Variants in CACNA1B observed in about 807,000 individuals in gnomAD.
The protein encoded by CACNA1B is calcium voltage-gated channel subunit alpha1 B.
CACNA1B carries 70 observed loss-of-function variants against 247.2 expected under a neutral mutation model. The ratio of observed to expected loss-of-function variants is 0.28; its 90% CI spans 0.23 to 0.35. CACNA1B has a LOEUF of 0.35. Ranked by LOEUF, CACNA1B falls within the 10% of genes least tolerant of loss-of-function variation. The probability of loss-of-function intolerance (pLI) is 1.00; values close to 1 mark genes in which losing one functional copy is unlikely to be tolerated. For synonymous variants in CACNA1B, 1,231 were observed against 1,294.4 expected (o/e 0.95, Z 1.05); for missense variants, 2,367 against 3,197.4 (o/e 0.74, Z 6.26).
At chr9:137,878,330 C>G (rs1409368409) in intron 1 of CACNA1B, 113 bp downstream of exon 1, 2 of 980,202 alleles carry the variant, frequency 2.0e-6, no homozygotes, top group African/African-American at 3.4e-5. Flanking sequence ...CGTCGGGAGA[C>G]GGGCGAGGGG....
chr9:138,070,841 C>T (rs528228307), intron 32 of CACNA1B, among the ~76,000 whole-genome samples: 16 of 152,244 alleles, frequency 1.1e-4, no homozygotes, highest in Non-Finnish European at 2.1e-4. Flanking sequence ...GTCTCTTTCC[C>T]GTCTTCAATT....
intron 20 of CACNA1B, among the ~76,000 whole-genome samples, chr9:138,032,073 G>C (rs573877683): frequency 1.3e-5 from 2 of 151,716 alleles, no homozygotes; most frequent in South Asian, 4.2e-4. Context: ...CATTTCTCTG[G>C]TTTCCTTTTT....
rs775816595 is a variant in CACNA1B at position 138,115,670 on chromosome 9, G to A, written c.5768G>A (p.Gly1923Asp). ...AAGAGTTCCACCTCCCTCAGCAATG[G>A]CGGGGCCATGTGAGTATCCAGATGC... ...RQKSSTSLSN[G>D]GAIQNQESGI... is the part of the protein sequence containing the mutation. The change falls in exon 42 of 47, where the codon GGC becomes GAC. Residue 1923 changes from glycine (G) to aspartate (D), a missense_variant. Physicochemically the swap from Gly to Asp is moderately conservative, Grantham distance 94 (BLOSUM62 -1). Around this residue, in one of 12 missense-constraint regions of CACNA1B, gnomAD observed 773 missense variants for 779.4 expected, o/e 0.99. Coordinates refer to ENST00000371372, the MANE Select transcript of CACNA1B (RefSeq NM_000718.4). The A allele has an allele frequency of 5.6e-6, 9 of 1,613,054 alleles. No homozygotes were observed. The South Asian group carries it at 9.9e-5, about 18-fold the overall frequency.
At chr9:138,082,839 G>A (rs1290781636) in intron 36 of CACNA1B, among the ~76,000 whole-genome samples, 3 of 150,978 alleles carry the variant, frequency 2.0e-5, no homozygotes, top group Admixed American at 6.6e-5. Context: ...GGAGAGTCTC[G>A]GAGTACATCA....
Position 137,913,164 on chromosome 9 carries a change from T to C in CACNA1B, c.531-16T>C, listed in dbSNP as rs1957376377. 1.2e-6 allele frequency: 2 copies of C among 1,609,778 alleles called. No individual in the cohort carries two copies. Among genetic ancestry groups the C allele is most frequent in the South Asian group, 2.2e-5 (2 of 90,940 alleles). On this transcript the variant is annotated splice_polypyrimidine_tract_variant and intron_variant, in intron 3 of 46. Transcript: ENST00000371372. The surrounding 1 kb of genome is among the most constrained non-coding windows in gnomAD (Gnocchi z 5.2). ...GTGGAAACCTTTACTTCCCTTCTTC[T>C]CCTTGTTTCTGCCAGGATCCTTGCC... is the stretch of plus-strand genomic sequence containing the variant.
In CACNA1B at chr9:138,011,512, T is replaced by C. The variant is rs1958724195; in HGVS notation, c.2160+1435T>C. Among the ~76,000 whole-genome samples, 1 of 152,200 alleles carries C rather than the reference T, an allele frequency of 6.6e-6. No homozygotes were observed. Among genetic ancestry groups the C allele is most frequent in the African/African-American group, 2.4e-5 (1 of 41,446 alleles). Reference sequence around the variant, plus strand: ...ATGACTCGACCATCCCCTTCCCTTATATTCCCATAATATTCCCACAAAAGC... The same window carrying C: ...ATGACTCGACCATCCCCTTCCCTTACATTCCCATAATATTCCCACAAAAGC... On this transcript the variant is annotated intron_variant, in intron 17 of 46. Coordinates refer to ENST00000371372, the MANE Select transcript of CACNA1B (RefSeq NM_000718.4). This position sits in a 1 kb window ranked among gnomAD's most constrained non-coding sequence, Gnocchi z 4.2.
chr9:138,026,523 C>T (rs1025054216), intron 20 of CACNA1B, among the ~76,000 whole-genome samples: 1 of 152,206 alleles, frequency 6.6e-6, no homozygotes, highest in African/African-American at 2.4e-5. Context: ...TGGAATCATA[C>T]AGTATGCAGC....
intron 31 of CACNA1B, among the ~76,000 whole-genome samples, chr9:138,060,483 G>A (rs1476106216): frequency 6.6e-6 from 1 of 152,202 alleles, no homozygotes; most frequent in Non-Finnish European, 1.5e-5. Flanking sequence ...GGGTCAGTGT[G>A]GGTCATCTCC....
chr9:137,883,264 C>T (rs1288481284), intron 3 of CACNA1B, among the ~76,000 whole-genome samples: 9 of 150,970 alleles, frequency 6.0e-5, no homozygotes, highest in Non-Finnish European at 1.3e-4. Flanking sequence ...CTTCTGGCCT[C>T]ACCCAAGCCT....
At position 138,013,118 on chromosome 9, in the gene CACNA1B, T is replaced by G; in HGVS notation, c.2161-11T>G. 2 of 1,606,704 alleles carry G rather than the reference T, an allele frequency of 1.2e-6. No individual in the cohort carries two copies. Among genetic ancestry groups the G allele is most frequent in the Admixed American group, 3.3e-5 (2 of 59,978 alleles). ...GTGAGGGGAACTGGACATTTCTCTTTGCTCAAACAGGATGAAGAGGAGATG... is the reference window on the plus strand; with the variant it reads ...GTGAGGGGAACTGGACATTTCTCTTGGCTCAAACAGGATGAAGAGGAGATG... On this transcript the variant is annotated splice_polypyrimidine_tract_variant and intron_variant, in intron 17 of 46. Transcript: ENST00000371372.
intron 3 of CACNA1B, among the ~76,000 whole-genome samples, chr9:137,885,073 C>T (rs1956991156): frequency 6.9e-6 from 1 of 145,818 alleles, no homozygotes; most frequent in East Asian, 2.1e-4. Flanking sequence ...TTTCTTCTGC[C>T]CCTCTTTCCC....
chr9:137,971,777 G>A lies in CACNA1B; in HGVS notation c.1543+185G>A, dbSNP rs1051247439. 1.3e-5 allele frequency among the ~76,000 whole-genome samples: 2 copies of A among 152,148 alleles called. No homozygotes were observed. The highest frequency in any genetic ancestry group is 2.9e-5 in the Non-Finnish European group (2 of 68,024). Reference sequence around the variant, plus strand: ...GGGGGCCTGGGGTGTGTCCAGAGCTGGAGGGTGGCCTCTCCAGCCCCTGGG... The same window carrying A: ...GGGGGCCTGGGGTGTGTCCAGAGCTAGAGGGTGGCCTCTCCAGCCCCTGGG... On this transcript the variant is annotated intron_variant, in intron 11 of 46. Coordinates refer to ENST00000371372, the MANE Select transcript of CACNA1B (RefSeq NM_000718.4). The surrounding 1 kb of genome is among the most constrained non-coding windows in gnomAD (Gnocchi z 4.4).
chr9:137,979,364 C>T (rs770193587), intron 12 of CACNA1B, among the ~76,000 whole-genome samples: 1 of 152,170 alleles, frequency 6.6e-6, no homozygotes, highest in African/African-American at 2.4e-5. Context: ...GTGGCCTCTC[C>T]ACAGGCTGCC....
chr9:137,969,485 C>T (rs1463770357), intron 10 of CACNA1B, among the ~76,000 whole-genome samples: 1 of 152,172 alleles, frequency 6.6e-6, no homozygotes, highest in Non-Finnish European at 1.5e-5. Flanking sequence ...CAGAGGCTGA[C>T]TGGTTCTTAC....
intron 34 of CACNA1B, among the ~76,000 whole-genome samples, 200 bp from the exon 35 acceptor site, chr9:138,075,619 G>A (rs544414721): frequency 5.9e-5 from 9 of 152,192 alleles, no homozygotes; most frequent in Admixed American, 4.6e-4. Context: ...AGCTGGAGCC[G>A]GCACATGTGT....
chr9:137,928,461 T>C (rs1957575807), intron 6 of CACNA1B, among the ~76,000 whole-genome samples: 1 of 152,216 alleles, frequency 6.6e-6, no homozygotes, highest in African/African-American at 2.4e-5. Context: ...ACAAGCTTCA[T>C]AAAATAAATC....
At chr9:138,108,199 T>A (rs2131357441) in intron 39 of CACNA1B, among the ~76,000 whole-genome samples, 1 of 149,038 alleles carries the variant, frequency 6.7e-6, no homozygotes, top group Non-Finnish European at 1.5e-5. Flanking sequence ...TAGCTGAATG[T>A]GGTGGTGAAC....
intron 3 of CACNA1B, among the ~76,000 whole-genome samples, chr9:137,886,350 G>A (rs1365045394): frequency 6.6e-6 from 1 of 152,146 alleles, no homozygotes; most frequent in Non-Finnish European, 1.5e-5. Context: ...GGAGGAGGTG[G>A]GAGGAGGCGG....
At chr9:137,975,196 G>A (rs1958204637) in intron 11 of CACNA1B, among the ~76,000 whole-genome samples, 1 of 152,170 alleles carries the variant, frequency 6.6e-6, no homozygotes, top group South Asian at 2.1e-4. Flanking sequence ...GGAAGGGTCA[G>A]CAGGACTTCT....
Sources: allele counts gnomAD v4.1 joint callset (sites outside exome capture counted in the v4.1 genomes callset), GRCh38; gene constraint gnomAD v4.1.1; regional missense constraint gnomAD v4.1.1; non-coding constraint Gnocchi (gnomAD v3.1); transcripts MANE v1.5; gene names NCBI Gene and HGNC (gene_info 2026-07-23, HGNC 2026-07-21).